ABTB3: variants seen among roughly 807,000 people sequenced by gnomAD.
ABTB3 encodes the protein ankyrin repeat and BTB domain containing 3.
the ABTB3 span, among the ~76,000 whole-genome samples, chr12:107,508,438 C>CTTTTTTT: frequency 3.5e-3 from 240 of 69,150 alleles, 55 homozygotes; most frequent in East Asian, 6.3e-3. Flanking sequence ...AAGATCATTT[C>CTTTTTTT]TTTTTTTTTT....
chr12:107,375,580 T>C, the ABTB3 span, among the ~76,000 whole-genome samples: 1 of 152,206 alleles, frequency 6.6e-6, no homozygotes, highest in Non-Finnish European at 1.5e-5. Context: ...CCGGTGCCGT[T>C]CTACCTCTCA....
chr12:107,499,462 G>C, the ABTB3 span, among the ~76,000 whole-genome samples: 15 of 151,936 alleles, frequency 9.9e-5, no homozygotes, highest in African/African-American at 3.1e-4. Flanking sequence ...CTGAACAAAG[G>C]CTCTCTAATA....
chr12:107,517,493 T>C, the ABTB3 span, among the ~76,000 whole-genome samples: 1 of 152,220 alleles, frequency 6.6e-6, no homozygotes, highest in African/African-American at 2.4e-5. Context: ...ATTCTTCCTA[T>C]CCATGAGCTT....
At chr12:107,364,355 C>T in the ABTB3 span, among the ~76,000 whole-genome samples, 1 of 151,660 alleles carries the variant, frequency 6.6e-6, no homozygotes, top group Non-Finnish European at 1.5e-5. Context: ...GTGGCGTGAT[C>T]TCAGCTCACT....
At chr12:107,652,574 A>C in the ABTB3 span, among the ~76,000 whole-genome samples, 1 of 152,154 alleles carries the variant, frequency 6.6e-6, no homozygotes, top group Non-Finnish European at 1.5e-5. Flanking sequence ...CTGGCTACTA[A>C]TTAGAATCAC....
At chr12:107,482,968 CTTT>C in the ABTB3 span, among the ~76,000 whole-genome samples, 58 of 69,994 alleles carry the variant, frequency 8.3e-4, 2 homozygotes, top group African/African-American at 3.2e-3. Context: ...TTCTTTCTTT[CTTT>C]CTTTCTTTCT....
chr12:107,634,391 A>G, the ABTB3 span, among the ~76,000 whole-genome samples: 1 of 151,880 alleles, frequency 6.6e-6, no homozygotes, highest in Non-Finnish European at 1.5e-5. Flanking sequence ...ATCTTTTTCT[A>G]TACATATCTG....
chr12:107,414,628 G>T, the ABTB3 span, among the ~76,000 whole-genome samples: 1 of 151,864 alleles, frequency 6.6e-6, no homozygotes, highest in South Asian at 2.1e-4. Context: ...ATCATCATTT[G>T]CACCCCGTTT....
the ABTB3 span, among the ~76,000 whole-genome samples, chr12:107,625,860 G>A: frequency 6.6e-6 from 1 of 152,308 alleles, no homozygotes; most frequent in South Asian, 2.1e-4. Context: ...GGGGTGCCGT[G>A]TTGCAGCCTG....
At chr12:107,429,558 G>A in the ABTB3 span, among the ~76,000 whole-genome samples, 8 of 152,146 alleles carry the variant, frequency 5.3e-5, no homozygotes, top group South Asian at 2.1e-4. Flanking sequence ...TGCCAGGTTC[G>A]AATTGCAAGG....
the ABTB3 span, among the ~76,000 whole-genome samples, chr12:107,376,099 C>A: frequency 6.6e-6 from 1 of 152,114 alleles, no homozygotes; most frequent in Non-Finnish European, 1.5e-5. Flanking sequence ...ACCCCATGGC[C>A]CCCGTCCTCA....
the ABTB3 span, among the ~76,000 whole-genome samples, chr12:107,381,436 G>T: frequency 4.8e-3 from 736 of 152,354 alleles, 7 homozygotes; most frequent in Non-Finnish European, 6.4e-3. Flanking sequence ...GGTATGCAAA[G>T]GGGCTTCCTA....
At chr12:107,347,698 G>A in the ABTB3 span, among the ~76,000 whole-genome samples, 1 of 152,232 alleles carries the variant, frequency 6.6e-6, no homozygotes, top group African/African-American at 2.4e-5. Context: ...AACTGACAGT[G>A]TCACTTTCAT....
At chr12:107,566,961 TA>T in the ABTB3 span, among the ~76,000 whole-genome samples, 1 of 151,830 alleles carries the variant, frequency 6.6e-6, no homozygotes, top group Admixed American at 6.6e-5. Flanking sequence ...TAGAAAAGAT[TA>T]AAAAATTAGC....
the ABTB3 span, among the ~76,000 whole-genome samples, chr12:107,459,161 G>A: frequency 2.3e-4 from 35 of 152,336 alleles, no homozygotes; most frequent in South Asian, 7.3e-3. Flanking sequence ...AGTAGGCACT[G>A]TTATTATGCC....
chr12:107,485,527 C>T, the ABTB3 span, among the ~76,000 whole-genome samples: 1 of 152,094 alleles, frequency 6.6e-6, no homozygotes, highest in Non-Finnish European at 1.5e-5. Context: ...TTGTGTGTGT[C>T]TCTCTGTATG....
chr12:107,329,801 T>G, the ABTB3 span, among the ~76,000 whole-genome samples: 1 of 152,246 alleles, frequency 6.6e-6, no homozygotes, highest in African/African-American at 2.4e-5. Context: ...TATGACTGTT[T>G]CTATAGGCAC....
chr12:107,639,443 AAC>A, the ABTB3 span, among the ~76,000 whole-genome samples: 1 of 152,192 alleles, frequency 6.6e-6, no homozygotes, highest in Non-Finnish European at 1.5e-5. Flanking sequence ...CAGAGAGACC[AAC>A]AGAGGCTCCT....
At chr12:107,568,216 C>T in the ABTB3 span, among the ~76,000 whole-genome samples, 2 of 152,182 alleles carry the variant, frequency 1.3e-5, no homozygotes, top group African/African-American at 4.8e-5. Context: ...TCTTGCCAAG[C>T]CTTGTAACAG....
Sources: gnomAD v4.1 joint callset for allele counts (sites outside exome capture counted in the v4.1 genomes callset) on GRCh38, gnomAD v4.1.1 for gene constraint, MANE v1.5 for transcripts, NCBI Gene and HGNC (gene_info 2026-07-23, HGNC 2026-07-21) for gene names.